VLDLR: variants seen among roughly 807,000 people sequenced by gnomAD.
The protein encoded by VLDLR is very low density lipoprotein receptor, also known as very low-density lipoprotein receptor.
Under a neutral mutation model 112.7 loss-of-function variants are expected in VLDLR, and 81 were observed. The observed-to-expected ratio is 0.72, with a 90% CI of 0.60 to 0.86. The LOEUF is 0.86. Ranked by LOEUF, VLDLR falls within the 40% of genes least tolerant of loss-of-function variation. The pLI, the probability that VLDLR is intolerant of heterozygous loss-of-function variation, is 0.00. For missense variants in VLDLR, 1,237 were observed against 1,099.4 expected, an observed-to-expected ratio of 1.13 and a Z score of -1.77; for synonymous variants, 436 against 384.8, an observed-to-expected ratio of 1.13 and a Z score of -1.56.
In VLDLR at chr9:2,648,253, T is replaced by A. The variant is rs1190463751; in HGVS notation, c.1868T>A (p.Met623Lys). The change falls in exon 13 of 19, where the codon ATG (methionine) becomes AAG (lysine). Residue 623 changes from methionine (M) to lysine (K), a missense_variant. Physicochemically the swap from Met to Lys is moderately conservative, Grantham distance 95. Coordinates refer to ENST00000382100, the MANE Select transcript of VLDLR (RefSeq NM_003383.5). ...RLYWLDSKLH[M>K]LSSVDLNGQD... The stretch of plus-strand genomic sequence containing the variant: ...TATTGGCTTGATTCTAAGTTGCACA[T>A]GTTATCCAGCGTGGACTTGAATGGC... 6.2e-7 allele frequency: 1 copy of A among 1,614,230 alleles called. No homozygotes were observed. The highest frequency in any genetic ancestry group is 1.7e-5 in the Admixed American group (1 of 60,030).
At chr9:2,651,316 C>T in intron 15 of VLDLR, 99 bp from the exon 16 acceptor site, 1 of 1,001,460 alleles carries the variant, frequency 1.0e-6, no homozygotes, top group Admixed American at 1.9e-5. Context: ...GTCTATTTTA[C>T]CTGGTTTTAA....
intron 11 of VLDLR, 38 bp downstream of exon 11, chr9:2,646,590 T>A: frequency 6.3e-7 from 1 of 1,592,798 alleles, no homozygotes; most frequent in Admixed American, 1.7e-5. Flanking sequence ...TTTGGAATGG[T>A]ATCTGTGTAG....
Position 2,621,842 on chromosome 9 carries a change from T to A in VLDLR, c.-348T>A, listed in dbSNP as rs1195945353. The A allele has an allele frequency of 1.9e-6, 1 of 525,164 alleles. No homozygotes were observed. Among genetic ancestry groups the A allele is most frequent in the South Asian group, 1.6e-5 (1 of 64,344 alleles). The allele number at this position is 525,164 out of a possible 1,614,324, so 32.5% of individuals were successfully genotyped here. A position where few individuals can be genotyped will look rare whatever the true frequency, so the allele number is the denominator to read the frequency against. ...TGCTCCGCTACCGGCTCCTCTCCGT[T>A]CTGTGCTCTCTTCTGCTCTCGGCTC... On this transcript the variant is annotated 5_prime_UTR_variant, in exon 1 of 19. Transcript: ENST00000382100.
chr9:2,649,703 A>C (rs888418978), intron 14 of VLDLR, among the ~76,000 whole-genome samples: 1 of 152,194 alleles, frequency 6.6e-6, no homozygotes. Context: ...ATTGGATTAG[A>C]GCCCACCTTA....
At chr9:2,622,994 C>A (rs546683930) in intron 1 of VLDLR, among the ~76,000 whole-genome samples, 58 of 152,382 alleles carry the variant, frequency 3.8e-4, no homozygotes, top group Admixed American at 2.3e-3. Context: ...TCGGGTCTCC[C>A]GTGTAGCTGA....
In VLDLR at chr9:2,647,465, T is replaced by G; in HGVS notation, c.1704-9T>G. 6.2e-7 allele frequency: 1 copy of G among 1,612,016 alleles called. No homozygotes were observed. Among genetic ancestry groups the G allele is most frequent in the Non-Finnish European group, 8.5e-7 (1 of 1,178,074 alleles). Reference sequence around the variant, plus strand: ...CACTGAGGCTTATTTCTCATTTAATTTTTCACAGCTTTGTTTACTGGTCAG... The same window carrying G: ...CACTGAGGCTTATTTCTCATTTAATGTTTCACAGCTTTGTTTACTGGTCAG... On this transcript the variant is annotated splice_polypyrimidine_tract_variant and intron_variant, in intron 11 of 18. Transcript: ENST00000382100.
chr9:2,641,602 T>C, intron 4 of VLDLR, 103 bp downstream of exon 4: 1 of 1,554,896 alleles, frequency 6.4e-7, no homozygotes. Flanking sequence ...TGACATTGAC[T>C]CACTTTTCAG....
intron 1 of VLDLR, among the ~76,000 whole-genome samples, chr9:2,633,798 C>T (rs571015662): frequency 3.9e-5 from 6 of 152,222 alleles, no homozygotes; most frequent in African/African-American, 7.2e-5. Flanking sequence ...CTGCAAGACA[C>T]GTACCCTCAG....
At chr9:2,625,905 G>A (rs930359644) in intron 1 of VLDLR, among the ~76,000 whole-genome samples, 3 of 152,220 alleles carry the variant, frequency 2.0e-5, no homozygotes, top group African/African-American at 7.2e-5. Flanking sequence ...AGTTGGGGCA[G>A]AGTCTAACCT....
Position 2,656,183 on chromosome 9 carries a change from A to T in VLDLR, c.*2315A>T, listed in dbSNP as rs910301883. ...ACCCTCAAAGAGTCTAAAACGTCTC[A>T]TTTTTTTTTACCACGTCCTCCCCAG... On this transcript the variant is annotated 3_prime_UTR_variant, in exon 19 of 19. Coordinates refer to ENST00000382100, the MANE Select transcript of VLDLR (RefSeq NM_003383.5). 2.6e-5 allele frequency: 4 copies of T among 151,212 alleles called. No individual in the cohort carries two copies. The highest frequency in any genetic ancestry group is 7.3e-5 in the African/African-American group (3 of 41,196). The allele number at this position is 151,212 out of a possible 1,614,324, so 9.4% of individuals were successfully genotyped here.
chr9:2,644,916 A>G, intron 8 of VLDLR, 41 bp from the exon 9 acceptor site: 1 of 1,614,154 alleles, frequency 6.2e-7, no homozygotes, highest in East Asian at 2.2e-5. Flanking sequence ...GTACCTAGTA[A>G]GGTATAGGAG....
Position 2,645,629 on chromosome 9 carries a change from A to G in VLDLR, c.1368A>G (p.Leu456=), listed in dbSNP as rs577463752. The change falls in exon 10 of 19, where the codon TTA becomes TTG. Residue 456 remains leucine, a synonymous_variant. Transcript: ENST00000382100. ...TNRRDIRKIG[L]ERKEYIQLVE... ...GAAGAGACATCAGGAAGATTGGCTT[A>G]GAGAGGAAAGAATATATCCAACTAG... The G allele has an allele frequency of 6.2e-7, 1 of 1,614,228 alleles. No individual in the cohort carries two copies. Among genetic ancestry groups the G allele is most frequent in the Admixed American group, 1.7e-5 (1 of 60,028 alleles).
At chr9:2,624,992 A>C (rs1411191281) in intron 1 of VLDLR, among the ~76,000 whole-genome samples, 1 of 152,210 alleles carries the variant, frequency 6.6e-6, no homozygotes, top group African/African-American at 2.4e-5. Context: ...CAGATACTTA[A>C]AGCATGTATA....
chr9:2,642,152 G>A (rs1817861146), intron 4 of VLDLR, among the ~76,000 whole-genome samples: 1 of 152,126 alleles, frequency 6.6e-6, no homozygotes, highest in Non-Finnish European at 1.5e-5. Flanking sequence ...GCTGCATGTT[G>A]AAGGTGAGGG....
At chr9:2,634,305 T>C (rs1817503767) in intron 1 of VLDLR, among the ~76,000 whole-genome samples, 1 of 152,192 alleles carries the variant, frequency 6.6e-6, no homozygotes, top group Non-Finnish European at 1.5e-5. Context: ...TCAGTTCTTA[T>C]GCCAGCATGC....
Position 2,622,154 on chromosome 9 carries a change from GGCGGCGGC to G in VLDLR, c.-34_-27del. On this transcript the variant is annotated 5_prime_UTR_variant, in exon 1 of 19. Coordinates refer to ENST00000382100, the MANE Select transcript of VLDLR (RefSeq NM_003383.5). ...CTTGTCGTGCGGAGCGAACGGCGGCGGCGGCGGCGGCGGCGGCACCATCCAGGCGGGCA... is the reference window on the plus strand; with the variant it reads ...CTTGTCGTGCGGAGCGAACGGCGGCGGGCGGCGGCACCATCCAGGCGGGCA... 1 of 601,264 alleles carries G rather than the reference GGCGGCGGC, an allele frequency of 1.7e-6. No individual in the cohort carries two copies. Among genetic ancestry groups the G allele is most frequent in the Non-Finnish European group, 2.4e-6 (1 of 424,970 alleles). 37.2% of individuals were successfully genotyped at this position (601,264 alleles called of 1,614,324 possible).
intron 1 of VLDLR, among the ~76,000 whole-genome samples, chr9:2,631,427 A>G (rs1025277499): frequency 2.6e-5 from 4 of 152,214 alleles, no homozygotes; most frequent in Non-Finnish European, 5.9e-5. Flanking sequence ...CCCATCAATA[A>G]TGAAAGGGTA....
intron 10 of VLDLR, 29 bp from the exon 11 acceptor site, chr9:2,646,303 CTT>C (rs1563762013): frequency 6.2e-7 from 1 of 1,610,194 alleles, no homozygotes; most frequent in East Asian, 2.2e-5. Flanking sequence ...GTGTCAAACT[CTT>C]AAATTTCTTG....
At position 2,622,504 on chromosome 9, in the gene VLDLR, T is replaced by C. The variant is rs547222209; in HGVS notation, c.82+233T>C. 316 of 438,690 alleles carry C rather than the reference T, an allele frequency of 7.2e-4. 9 individuals are homozygous for C. In the South Asian group the frequency reaches 0.016, roughly 23 times the overall value. The allele number at this position is 438,690 out of a possible 1,614,324, so 27.2% of individuals were successfully genotyped here. A position where few individuals can be genotyped will look rare whatever the true frequency, so the allele number is the denominator to read the frequency against. The stretch of plus-strand genomic sequence containing the variant: ...GGGTGCCCCGACGCCTCGCCTGAAC[T>C]AGTCTTCTGCCCCTCACTCCGCCTC... On this transcript the variant is annotated intron_variant, in intron 1 of 18. Transcript: ENST00000382100.
Sources: gnomAD v4.1 joint callset for allele counts (sites outside exome capture counted in the v4.1 genomes callset) on GRCh38, gnomAD v4.1.1 for gene constraint, MANE v1.5 for transcripts, NCBI Gene and HGNC (gene_info 2026-07-23, HGNC 2026-07-21) for gene names.